The following XPO6 variants were observed in gnomAD, a reference collection of about 807,000 sequenced individuals.
The protein encoded by XPO6 is exportin-6.
XPO6 carries 3 observed loss-of-function variants against 130.0 expected under a neutral mutation model. The observed-to-expected ratio is 0.02, with a 90% confidence interval of 0.01 to 0.06. The LOEUF (loss-of-function observed/expected upper bound fraction) is 0.06. XPO6 is among the 10% of genes least tolerant of loss of function. XPO6 has a pLI of 1.00. For missense variants in XPO6, 970 were observed against 1,393.0 expected (o/e 0.70, Z 4.83); for synonymous variants, 524 against 548.9 (o/e 0.95, Z 0.63).
chr16:28,141,078 T>C (rs547421761), intron 9 of XPO6, among the ~76,000 whole-genome samples: 16 of 152,348 alleles, frequency 1.1e-4, no homozygotes, highest in Admixed American at 2.0e-4. Context: ...CACACCTTTA[T>C]TGCACCACAA....
intron 12 of XPO6, among the ~76,000 whole-genome samples, chr16:28,128,893 A>G (rs1265916825): frequency 9.9e-5 from 15 of 152,190 alleles, no homozygotes; most frequent in Non-Finnish European, 8.8e-5. Context: ...CTGGGGATGT[A>G]ACCCCTCATT....
chr16:28,152,672 T>C lies in XPO6; in HGVS notation c.1211A>G (p.Tyr404Cys). Reference protein sequence around the residue: ...VVEFLTLLFKYTFHQPTHEGY... With the variant: ...VVEFLTLLFKCTFHQPTHEGY... ...TTGGTGCTTTACCTGATGAAATGTG[T>C]ACTTGAACAAAAGTGTCAAAAACTC... Residue 404 changes from tyrosine to cysteine, a missense_variant, in exon 8 of 24, where the codon TAC becomes TGC. Physicochemically the swap from Tyr to Cys is radical, Grantham distance 194 (BLOSUM62 -2). Around this residue, in one of 4 missense-constraint regions of XPO6, gnomAD observed 936 missense variants for 1,306.8 expected, o/e 0.72. Coordinates refer to ENST00000304658, the MANE Select transcript of XPO6 (RefSeq NM_015171.4). 6.2e-7 allele frequency: 1 copy of C among 1,612,154 alleles called. No homozygotes were observed. Among genetic ancestry groups the C allele is most frequent in the Non-Finnish European group, 8.5e-7 (1 of 1,179,572 alleles).
intron 12 of XPO6, 63 bp from the exon 13 acceptor site, chr16:28,125,911 C>A: frequency 6.4e-7 from 1 of 1,552,830 alleles, no homozygotes; most frequent in South Asian, 1.2e-5. Context: ...CTACAGATAA[C>A]AGCTGGTCCA....
intron 5 of XPO6, among the ~76,000 whole-genome samples, chr16:28,168,012 G>A (rs2043385245): frequency 6.6e-6 from 1 of 152,160 alleles, no homozygotes; most frequent in Admixed American, 6.5e-5. Flanking sequence ...GAATTAGATA[G>A]CGGTGAAGGT....
Position 28,127,413 on chromosome 16 carries a change from C to T in XPO6, c.1607-1565G>A, listed in dbSNP as rs150836096. 2.4e-3 allele frequency among the ~76,000 whole-genome samples: 366 copies of T among 152,276 alleles called. 2 individuals are homozygous for T. Among genetic ancestry groups the T allele is most frequent in the Non-Finnish European group, 3.2e-3 (217 of 68,010 alleles). On this transcript the variant is annotated intron_variant, in intron 12 of 23. Transcript: ENST00000304658. ...TCTCCTTACTGACCACAAAATCCCTCGTGGTGAGCAGCTATGTCCAGCAGC... is the reference window on the plus strand; with the variant it reads ...TCTCCTTACTGACCACAAAATCCCTTGTGGTGAGCAGCTATGTCCAGCAGC...
At chr16:28,117,220 A>T (rs1430699702) in intron 15 of XPO6, 98 bp downstream of exon 15, 4 of 1,501,654 alleles carry the variant, frequency 2.7e-6, no homozygotes, top group Non-Finnish European at 2.7e-6. Context: ...TTATGGGTCT[A>T]ACTCTGTGTC....
intron 8 of XPO6, among the ~76,000 whole-genome samples, chr16:28,151,584 TGAG>T (rs1235222591): frequency 1.3e-5 from 2 of 152,174 alleles, no homozygotes; most frequent in African/African-American, 4.8e-5. Context: ...GGAAAGGACA[TGAG>T]GAGATTTCCT....
intron 3 of XPO6, among the ~76,000 whole-genome samples, chr16:28,176,980 A>G (rs767098669): frequency 5.6e-4 from 85 of 152,180 alleles, no homozygotes; most frequent in Non-Finnish European, 1.1e-3. Flanking sequence ...GAATAGTTAC[A>G]TGTTACCACA....
intron 12 of XPO6, among the ~76,000 whole-genome samples, chr16:28,130,553 G>T (rs1033363305): frequency 6.6e-6 from 1 of 152,212 alleles, no homozygotes; most frequent in Admixed American, 6.5e-5. Flanking sequence ...ATTGGGGAAT[G>T]CTTTGTCATG....
rs1198896691 is a variant in XPO6 at position 28,169,793 on chromosome 16, C to T, written c.522G>A (p.Lys174=). Residue 174 remains lysine (K), a synonymous_variant, in exon 5 of 24, where the codon AAG becomes AAA. Transcript: ENST00000304658. ...CTGTCTGCACCTGGTCCAGTAGCAG[C>T]TTCCGCAACTCCTCCTTCCGAGCCA... ...LSVARKEELR[K]LLLDQVQTVL... 1.9e-6 allele frequency: 3 copies of T among 1,614,028 alleles called. No homozygotes were observed. The Admixed American group carries it at 5.0e-5, about 27-fold the overall frequency.
intron 2 of XPO6, among the ~76,000 whole-genome samples, chr16:28,178,784 A>G (rs1444033528): frequency 6.6e-6 from 1 of 151,880 alleles, no homozygotes; most frequent in Admixed American, 6.6e-5. Flanking sequence ...AAAACAAAAA[A>G]AGGCCGGGCC....
intron 2 of XPO6, 106 bp downstream of exon 2, chr16:28,180,835 G>A (rs919982584): frequency 1.6e-5 from 13 of 837,832 alleles, no homozygotes; most frequent in Non-Finnish European, 2.3e-5. Context: ...AAGAATTCAA[G>A]TGGAAAGCAC....
At chr16:28,113,339 A>G (rs1249187088) in intron 15 of XPO6, among the ~76,000 whole-genome samples, 2 of 152,038 alleles carry the variant, frequency 1.3e-5, no homozygotes, top group Non-Finnish European at 2.9e-5. Flanking sequence ...GTGGCTCCCT[A>G]TCAGCTATTA....
Position 28,176,028 on chromosome 16 carries a change from G to A in XPO6, c.275C>T (p.Pro92Leu), listed in dbSNP as rs1220604677. ...QDKMEIRSCL[P>L]KLLLAHHKTL... ...TTTATGGTGAGCCAAAAGGAGTTTGGGCAGACAGCTACGGATTTCCATCTT... is the reference window on the plus strand; with the variant it reads ...TTTATGGTGAGCCAAAAGGAGTTTGAGCAGACAGCTACGGATTTCCATCTT... The change falls in exon 4 of 24, where the codon CCC becomes CTC. Residue 92 changes from proline to leucine, a missense_variant. Physicochemically the swap from Pro to Leu is moderately conservative, Grantham distance 98. Transcript: ENST00000304658. 1 of 1,614,136 alleles carries A rather than the reference G, an allele frequency of 6.2e-7. No individual in the cohort carries two copies. The highest frequency in any genetic ancestry group is 2.2e-5 in the East Asian group (1 of 44,870).
At chr16:28,207,147 C>G (rs2044044479) in intron 1 of XPO6, among the ~76,000 whole-genome samples, 1 of 151,754 alleles carries the variant, frequency 6.6e-6, no homozygotes, top group Admixed American at 6.6e-5. Context: ...ACTCAGGAGG[C>G]TGAGGCAGGA....
chr16:28,166,655 A>G, intron 5 of XPO6, 70 bp from the exon 6 acceptor site: 1 of 1,546,200 alleles, frequency 6.5e-7, no homozygotes, highest in Non-Finnish European at 8.7e-7. Context: ...ATTTAGAGAA[A>G]GTTTCTTGAT....
chr16:28,107,186 G>A (rs2086804253), intron 18 of XPO6, among the ~76,000 whole-genome samples: 1 of 152,188 alleles, frequency 6.6e-6, no homozygotes. Context: ...AGCTAGAGAG[G>A]CCCTCTATCA....
At chr16:28,107,760 C>G (rs1379973533) in intron 17 of XPO6, 83 bp from the exon 18 acceptor site, 10 of 1,497,932 alleles carry the variant, frequency 6.7e-6, no homozygotes, top group Non-Finnish European at 8.3e-6. Context: ...AGGGAGGAAA[C>G]TTGCAAAGGT....
At chr16:28,114,733 G>A (rs910135515) in intron 15 of XPO6, among the ~76,000 whole-genome samples, 3 of 152,150 alleles carry the variant, frequency 2.0e-5, no homozygotes, top group African/African-American at 7.2e-5. Flanking sequence ...TGCATCGATT[G>A]ACTTCCTTTC....
Sources: gnomAD v4.1 joint callset for allele counts (sites outside exome capture counted in the v4.1 genomes callset) on GRCh38, gnomAD v4.1.1 for gene constraint, gnomAD v4.1.1 regional missense constraint, MANE v1.5 for transcripts, NCBI Gene and HGNC (gene_info 2026-07-23, HGNC 2026-07-21) for gene names.